Variants in RBFOX1 observed in about 807,000 individuals in gnomAD.
RBFOX1 encodes RNA binding protein fox-1 homolog 1.
RBFOX1 carries 8 observed loss-of-function variants against 57.7 expected under a neutral mutation model. That is an observed-to-expected ratio of 0.14 (90% CI 0.08 to 0.25). The LOEUF is 0.25. RBFOX1 is among the 10% of genes least tolerant of loss of function. The probability of loss-of-function intolerance (pLI) is 1.00; values close to 1 mark genes in which losing one functional copy is unlikely to be tolerated. For synonymous variants in RBFOX1, 326 were observed against 222.4 expected (o/e 1.47, Z -4.15); for missense variants, 611 against 548.5 (o/e 1.11, Z -1.14).
At chr16:5,571,651 C>G (rs960697507) in intron 2 of RBFOX1, among the ~76,000 whole-genome samples, 1 of 152,158 alleles carries the variant, frequency 6.6e-6, no homozygotes, top group African/African-American at 2.4e-5. Context: ...ACTGGAACAT[C>G]TGGAGACTAC....
chr16:6,526,139 C>G (rs914775497), intron 2 of RBFOX1, among the ~76,000 whole-genome samples: 2 of 152,160 alleles, frequency 1.3e-5, no homozygotes, highest in Admixed American at 6.5e-5. Context: ...ACTTGAAATG[C>G]AATTCAATAA....
intron 3 of RBFOX1, among the ~76,000 whole-genome samples, chr16:6,681,570 C>T (rs892369048): frequency 6.7e-6 from 1 of 150,310 alleles, no homozygotes; most frequent in Non-Finnish European, 1.5e-5. Flanking sequence ...AATAAAGTAA[C>T]AATTTGTTGT....
intron 1 of RBFOX1, among the ~76,000 whole-genome samples, chr16:6,091,824 CTG>C (rs2096179449): frequency 6.6e-6 from 1 of 152,144 alleles, no homozygotes; most frequent in African/African-American, 2.4e-5. Flanking sequence ...CAGTGAGACT[CTG>C]TCTCAAAAAA....
At chr16:7,679,735 ATCT>A (rs1180218224) in intron 14 of RBFOX1, among the ~76,000 whole-genome samples, 1 of 151,996 alleles carries the variant, frequency 6.6e-6, no homozygotes, top group African/African-American at 2.4e-5. Context: ...CCTGCCCATC[ATCT>A]TCTTGGTTAA....
At chr16:6,103,649 A>G (rs1255687368) in intron 1 of RBFOX1, among the ~76,000 whole-genome samples, 2 of 152,228 alleles carry the variant, frequency 1.3e-5, no homozygotes, top group African/African-American at 2.4e-5. Context: ...TCATCCAACC[A>G]AGAGACAGAA....
chr16:5,810,188 G>A (rs535826513), intron 3 of RBFOX1, among the ~76,000 whole-genome samples: 1 of 142,024 alleles, frequency 7.0e-6, no homozygotes, highest in African/African-American at 2.5e-5. Context: ...GGTTGGGGGA[G>A]GAGGGAGGGA....
intron 4 of RBFOX1, among the ~76,000 whole-genome samples, chr16:7,492,717 G>A (rs1284560491): frequency 1.3e-5 from 2 of 152,006 alleles, no homozygotes; most frequent in African/African-American, 4.8e-5. Flanking sequence ...TGGCATGATA[G>A]TGAATTGTTG....
intron 4 of RBFOX1, among the ~76,000 whole-genome samples, chr16:7,206,758 A>G (rs1318593955): frequency 1.3e-5 from 2 of 152,150 alleles, no homozygotes; most frequent in African/African-American, 4.8e-5. Flanking sequence ...TCATAGCTGA[A>G]TTCCCAGTCC....
At chr16:6,065,331 G>T (rs138066505) in intron 1 of RBFOX1, among the ~76,000 whole-genome samples, 3 of 151,872 alleles carry the variant, frequency 2.0e-5, no homozygotes, top group Admixed American at 6.6e-5. Flanking sequence ...CACCGCACGC[G>T]GCCCTATGAT....
At chr16:6,639,164 AT>A (rs2098467060) in intron 2 of RBFOX1, among the ~76,000 whole-genome samples, 1 of 152,208 alleles carries the variant, frequency 6.6e-6, no homozygotes, top group Non-Finnish European at 1.5e-5. Flanking sequence ...TTTTCAAATC[AT>A]GTGCGCTAGC....
chr16:6,220,836 C>T, intron 1 of RBFOX1, among the ~76,000 whole-genome samples: 1 of 151,954 alleles, frequency 6.6e-6, no homozygotes, highest in East Asian at 1.9e-4. Flanking sequence ...ATTTATGTGC[C>T]TATGATCATA....
intron 2 of RBFOX1, among the ~76,000 whole-genome samples, chr16:5,498,615 A>C (rs540915230): frequency 1.3e-5 from 2 of 152,324 alleles, no homozygotes; most frequent in African/African-American, 2.4e-5. Context: ...GCTGTTGTTT[A>C]GGCAGGAGAA....
At chr16:5,344,604 C>T (rs753498974) in intron 1 of RBFOX1, among the ~76,000 whole-genome samples, 12 of 152,038 alleles carry the variant, frequency 7.9e-5, no homozygotes, top group Non-Finnish European at 1.6e-4. Context: ...GTTTTTTTCC[C>T]CCTCCCCCGG....
chr16:6,248,373 G>T (rs1032934268), intron 1 of RBFOX1, among the ~76,000 whole-genome samples: 3 of 152,084 alleles, frequency 2.0e-5, no homozygotes, highest in East Asian at 1.9e-4. Context: ...CCTGTCTCCC[G>T]GTGATGTATA....
intron 1 of RBFOX1, among the ~76,000 whole-genome samples, chr16:6,021,901 T>G (rs2095086975): frequency 6.6e-6 from 1 of 152,252 alleles, no homozygotes; most frequent in Non-Finnish European, 1.5e-5. Context: ...GGTAAGTGCC[T>G]GAATTCTATG....
At chr16:6,805,088 A>C (rs2086422119) in intron 3 of RBFOX1, among the ~76,000 whole-genome samples, 1 of 152,162 alleles carries the variant, frequency 6.6e-6, no homozygotes, top group Non-Finnish European at 1.5e-5. Context: ...AGACCCATGC[A>C]CGTGAATGTT....
At chr16:6,493,684 T>C (rs1301749631) in intron 2 of RBFOX1, among the ~76,000 whole-genome samples, 1 of 152,170 alleles carries the variant, frequency 6.6e-6, no homozygotes, top group Non-Finnish European at 1.5e-5. Flanking sequence ...AATATTTTTA[T>C]CTCAAACTGA....
chr16:5,583,161 C>G (rs555187935), intron 2 of RBFOX1, among the ~76,000 whole-genome samples: 12 of 152,302 alleles, frequency 7.9e-5, no homozygotes, highest in African/African-American at 2.6e-4. Context: ...AATTGTACAG[C>G]CATAGAATGC....
chr16:5,447,206 G>A (rs1351710069), intron 1 of RBFOX1, among the ~76,000 whole-genome samples: 1 of 151,966 alleles, frequency 6.6e-6, no homozygotes, highest in African/African-American at 2.4e-5. Context: ...GTATTGTCCT[G>A]CCACCTTCTT....
Sources: allele counts gnomAD v4.1 joint callset (sites outside exome capture counted in the v4.1 genomes callset), GRCh38; gene constraint gnomAD v4.1.1; transcripts MANE v1.5; gene names NCBI Gene and HGNC (gene_info 2026-07-23, HGNC 2026-07-21).